Variants in THSD4 observed in about 807,000 individuals in gnomAD.
THSD4 encodes thrombospondin type-1 domain-containing protein 4.
In THSD4, 69 loss-of-function variants were observed where a neutral mutation model predicts 119.0. The observed-to-expected ratio is 0.58, with a 90% CI of 0.48 to 0.71. THSD4 has a LOEUF of 0.71. Among genes scored for constraint, THSD4 ranks in the 30% least tolerant of loss-of-function variants. The pLI, the probability that THSD4 is intolerant of heterozygous loss-of-function variation, is 0.00. For missense variants in THSD4, 1,393 were observed against 1,391.1 expected (o/e 1.00, Z -0.02); for synonymous variants, 524 against 540.4 (o/e 0.97, Z 0.42).
At chr15:71,638,731 A>G (rs1371283012) in intron 7 of THSD4, among the ~76,000 whole-genome samples, 1 of 152,202 alleles carries the variant, frequency 6.6e-6, no homozygotes, top group Non-Finnish European at 1.5e-5. Context: ...ATGAAATTCT[A>G]CTTAATTTTT....
intron 6 of THSD4, among the ~76,000 whole-genome samples, chr15:71,351,341 A>G (rs1166576736): frequency 1.3e-5 from 2 of 151,404 alleles, no homozygotes; most frequent in Non-Finnish European, 3.0e-5. Flanking sequence ...ACCATAATAC[A>G]TCATATATCA....
intron 8 of THSD4, among the ~76,000 whole-genome samples, chr15:71,678,937 C>A (rs1315068493): frequency 6.6e-6 from 1 of 152,128 alleles, no homozygotes; most frequent in Non-Finnish European, 1.5e-5. Flanking sequence ...GAATTTGTCT[C>A]ATTGATCAAT....
intron 17 of THSD4, among the ~76,000 whole-genome samples, chr15:71,774,490 T>C (rs1039163091): frequency 6.6e-6 from 1 of 152,184 alleles, no homozygotes; most frequent in African/African-American, 2.4e-5. Flanking sequence ...AAGTGGCAAC[T>C]CGTAACTTGG....
chr15:71,542,422 C>A (rs952791287), intron 7 of THSD4, among the ~76,000 whole-genome samples: 2 of 152,128 alleles, frequency 1.3e-5, no homozygotes, highest in African/African-American at 4.8e-5. Context: ...AGAAACCTGG[C>A]AGATACCACC....
At chr15:71,752,767 T>G (rs1487748700) in intron 14 of THSD4, among the ~76,000 whole-genome samples, 1 of 152,224 alleles carries the variant, frequency 6.6e-6, no homozygotes. Context: ...AAGGATTTCC[T>G]GTGGGCTGCT....
chr15:71,442,827 T>C (rs776904200), intron 7 of THSD4, among the ~76,000 whole-genome samples: 3 of 150,568 alleles, frequency 2.0e-5, no homozygotes, highest in Admixed American at 1.3e-4. Context: ...TCTTCCCTTA[T>C]GTACCCACAT....
intron 8 of THSD4, among the ~76,000 whole-genome samples, chr15:71,727,609 CACACACACACACAA>C (rs2052884928): frequency 7.2e-6 from 1 of 138,188 alleles, no homozygotes; most frequent in African/African-American, 2.8e-5. Flanking sequence ...CACACACACA[CACACACACACACAA>C]GCCAGGCATG....
chr15:71,391,824 A>G (rs896355314), intron 6 of THSD4, among the ~76,000 whole-genome samples: 1 of 152,202 alleles, frequency 6.6e-6, no homozygotes, highest in Non-Finnish European at 1.5e-5. Flanking sequence ...AAGGAAGATT[A>G]AAACTAGGTC....
intron 1 of THSD4, among the ~76,000 whole-genome samples, chr15:71,139,306 G>GA (rs1406835678): frequency 2.0e-5 from 3 of 152,228 alleles, no homozygotes; most frequent in South Asian, 4.2e-4. Context: ...CACTGGAGAG[G>GA]ACCTGAGCCT....
intron 3 of THSD4, 69 bp downstream of exon 3, chr15:71,155,001 G>T: frequency 6.7e-7 from 1 of 1,488,614 alleles, no homozygotes; most frequent in South Asian, 1.1e-5. Flanking sequence ...TCACTGCCCT[G>T]AACTTTGTTC....
At chr15:71,191,344 C>A (rs573994890) in intron 3 of THSD4, among the ~76,000 whole-genome samples, 16 of 152,284 alleles carry the variant, frequency 1.1e-4, no homozygotes, top group African/African-American at 3.6e-4. Flanking sequence ...TTCTTCTGGG[C>A]ACCAGTGTTT....
chr15:71,195,212 C>T (rs78113466), intron 3 of THSD4, among the ~76,000 whole-genome samples: 80 of 152,236 alleles, frequency 5.3e-4, no homozygotes, highest in African/African-American at 1.8e-3. Context: ...ATATGCATCC[C>T]TATATGGGTT....
chr15:71,763,441 T>A (rs1468714585), intron 15 of THSD4, among the ~76,000 whole-genome samples: 2 of 152,132 alleles, frequency 1.3e-5, no homozygotes, highest in Admixed American at 1.3e-4. Flanking sequence ...CTGGGCACAG[T>A]GGCTCACGCC....
intron 6 of THSD4, among the ~76,000 whole-genome samples, chr15:71,300,655 A>G (rs1292074117): frequency 1.3e-5 from 2 of 152,238 alleles, no homozygotes; most frequent in Non-Finnish European, 2.9e-5. Context: ...TATAAGAGTA[A>G]AAACTATAGT....
intron 7 of THSD4, among the ~76,000 whole-genome samples, chr15:71,436,913 G>A (rs951922614): frequency 1.3e-5 from 2 of 152,172 alleles, no homozygotes; most frequent in Admixed American, 1.3e-4. Context: ...GCAGACAATG[G>A]CTGGTAAATG....
chr15:71,585,191 A>C (rs969633522), intron 7 of THSD4, among the ~76,000 whole-genome samples: 2 of 152,330 alleles, frequency 1.3e-5, no homozygotes, highest in Admixed American at 1.3e-4. Context: ...TTTATACTTT[A>C]AAAGTTTTCA....
intron 7 of THSD4, among the ~76,000 whole-genome samples, chr15:71,572,967 T>C (rs2049384834): frequency 6.6e-6 from 1 of 152,114 alleles, no homozygotes; most frequent in African/African-American, 2.4e-5. Context: ...TGGAGAAGTC[T>C]GTAGAGGGCA....
intron 6 of THSD4, among the ~76,000 whole-genome samples, chr15:71,351,677 CTG>C: frequency 6.6e-6 from 1 of 152,358 alleles, no homozygotes; most frequent in South Asian, 2.1e-4. Flanking sequence ...CTTATTGAGA[CTG>C]TCACCAGTGA....
chr15:71,630,742 A>T lies in THSD4; in HGVS notation c.1153-29788A>T, dbSNP rs554083120. Among the ~76,000 whole-genome samples the T allele has an allele frequency of 5.0e-4, 76 of 152,266 alleles. No individual in the cohort carries two copies. The South Asian group carries it at 0.014, about 28-fold the overall frequency. ...GCTCTGGGGATCCCCTCAGAGACAC[A>T]TGGGTGTTTGAATGCACCAGTGTGT... On this transcript the variant is annotated intron_variant, in intron 7 of 17. Transcript: ENST00000261862.
Sources: gnomAD v4.1 joint callset for allele counts (sites outside exome capture counted in the v4.1 genomes callset) on GRCh38, gnomAD v4.1.1 for gene constraint, MANE v1.5 for transcripts, NCBI Gene and HGNC (gene_info 2026-07-23, HGNC 2026-07-21) for gene names.